Variants in CDH12 observed in about 807,000 individuals in gnomAD.
CDH12 encodes the protein cadherin-12.
A neutral mutation model predicts 74.1 loss-of-function variants in CDH12; 41 were observed. That is an observed-to-expected ratio of 0.55 (90% confidence interval 0.43 to 0.72). The LOEUF (loss-of-function observed/expected upper bound fraction) is 0.72, where lower values mean the gene tolerates loss of function less well. Among genes scored for constraint, CDH12 ranks in the 30% least tolerant of loss-of-function variants. The pLI is 0.00. For missense variants in CDH12, 945 were observed against 977.2 expected (o/e 0.97, Z 0.44); for synonymous variants, 399 against 355.0 (o/e 1.12, Z -1.39).
intron 1 of CDH12, among the ~76,000 whole-genome samples, chr5:22,848,258 T>C (rs577614366): frequency 1.3e-5 from 2 of 152,196 alleles, no homozygotes; most frequent in African/African-American, 4.8e-5. Context: ...GGAATATCCA[T>C]GTCTGTCCAT....
At chr5:22,455,624 G>A (rs1745232788) in intron 2 of CDH12, among the ~76,000 whole-genome samples, 1 of 152,146 alleles carries the variant, frequency 6.6e-6, no homozygotes, top group South Asian at 2.1e-4. Flanking sequence ...GGATTTCACA[G>A]CAGAAGTTTG....
intron 4 of CDH12, among the ~76,000 whole-genome samples, chr5:22,202,560 G>T (rs1037239814): frequency 6.6e-6 from 1 of 152,076 alleles, no homozygotes; most frequent in Non-Finnish European, 1.5e-5. Context: ...AATTTAAATA[G>T]CTCAGTTTGA....
chr5:22,635,839 G>A (rs1042034749), intron 1 of CDH12, among the ~76,000 whole-genome samples: 13 of 152,134 alleles, frequency 8.5e-5, no homozygotes, highest in Admixed American at 7.2e-4. Context: ...GCTTGAACCC[G>A]GAAGGCTGAA....
intron 4 of CDH12, among the ~76,000 whole-genome samples, chr5:22,190,828 C>T (rs561267195): frequency 8.2e-4 from 125 of 152,292 alleles, no homozygotes; most frequent in African/African-American, 2.9e-3. Context: ...CTCCGTAAAT[C>T]AGGGTCTCAG....
chr5:21,840,055 A>G (rs1749753966), intron 8 of CDH12, among the ~76,000 whole-genome samples: 1 of 152,226 alleles, frequency 6.6e-6, no homozygotes, highest in Non-Finnish European at 1.5e-5. Context: ...AACTAAAATG[A>G]AATAACTAGT....
At chr5:22,637,614 A>T (rs1229188784) in intron 1 of CDH12, among the ~76,000 whole-genome samples, 4 of 152,220 alleles carry the variant, frequency 2.6e-5, no homozygotes, top group Non-Finnish European at 5.9e-5. Flanking sequence ...CTCTCTTAGG[A>T]TCATCAGATG....
chr5:22,752,727 A>G (rs1398633027), intron 1 of CDH12, among the ~76,000 whole-genome samples: 19 of 139,550 alleles, frequency 1.4e-4, no homozygotes, highest in African/African-American at 3.0e-4. Context: ...GCCCGCCACT[A>G]CGCCCGGCTA....
chr5:21,922,852 A>G (rs1422708572), intron 6 of CDH12, among the ~76,000 whole-genome samples: 3 of 152,174 alleles, frequency 2.0e-5, no homozygotes, highest in African/African-American at 7.2e-5. Context: ...TTATCTCTCC[A>G]ATATCTTGTC....
At chr5:22,398,472 C>T (rs1742562541) in intron 3 of CDH12, among the ~76,000 whole-genome samples, 1 of 152,058 alleles carries the variant, frequency 6.6e-6, no homozygotes, top group African/African-American at 2.4e-5. Flanking sequence ...GATCTCCAGT[C>T]TTTAAGACGG....
At chr5:22,608,839 T>C (rs1308348001) in intron 1 of CDH12, among the ~76,000 whole-genome samples, 1 of 152,184 alleles carries the variant, frequency 6.6e-6, no homozygotes, top group Non-Finnish European at 1.5e-5. Flanking sequence ...TCCACCATGA[T>C]TCTAAGTTTC....
intron 11 of CDH12, among the ~76,000 whole-genome samples, chr5:21,770,932 C>T (rs1561170060): frequency 1.3e-5 from 2 of 152,096 alleles, no homozygotes; most frequent in African/African-American, 2.4e-5. Context: ...GAGCTGGAGG[C>T]CATTATCCTA....
At chr5:22,332,849 C>G (rs371369185) in intron 3 of CDH12, among the ~76,000 whole-genome samples, 82 of 152,168 alleles carry the variant, frequency 5.4e-4, no homozygotes, top group African/African-American at 1.9e-3. Flanking sequence ...GAAATAGGAA[C>G]GCTTTTACAC....
At chr5:22,726,752 G>T (rs866436082) in intron 1 of CDH12, among the ~76,000 whole-genome samples, 4 of 151,734 alleles carry the variant, frequency 2.6e-5, no homozygotes, top group Non-Finnish European at 5.9e-5. Flanking sequence ...ACCTGTTCTT[G>T]AAAAGCCTGA....
At chr5:22,533,322 G>T (rs943667232) in intron 1 of CDH12, among the ~76,000 whole-genome samples, 32 of 152,134 alleles carry the variant, frequency 2.1e-4, no homozygotes, top group Non-Finnish European at 4.4e-4. Flanking sequence ...AAGAAATCCT[G>T]ATCTATGTCT....
intron 1 of CDH12, among the ~76,000 whole-genome samples, chr5:22,629,948 T>C (rs1042356422): frequency 6.6e-6 from 1 of 152,062 alleles, no homozygotes; most frequent in Non-Finnish European, 1.5e-5. Flanking sequence ...AATTAGTAGG[T>C]TTCTGTACAC....
chr5:22,490,603 A>C (rs1190430822), intron 2 of CDH12, among the ~76,000 whole-genome samples: 2 of 152,166 alleles, frequency 1.3e-5, no homozygotes, highest in Non-Finnish European at 2.9e-5. Flanking sequence ...AAATTTCTCA[A>C]CTTTAGAATT....
rs1412525587 is a variant in CDH12 at position 22,450,568 on chromosome 5, G to A, written c.-427-45217C>T. ...TGTATCAATGTTTCCCTCTTTCTTA[G>A]TACTGCTATAATCTTGCACTTGGAC... On this transcript the variant is annotated intron_variant, in intron 2 of 14. Coordinates refer to ENST00000382254, the MANE Select transcript of CDH12 (RefSeq NM_004061.5). Among the ~76,000 whole-genome samples the A allele has an allele frequency of 4.6e-5, 7 of 151,572 alleles. No homozygotes were observed. The East Asian group carries it at 1.4e-3, about 29-fold the overall frequency.
chr5:22,726,047 AC>A lies in CDH12; in HGVS notation c.-523+127010del, dbSNP rs1230888826. Among the ~76,000 whole-genome samples the A allele has an allele frequency of 3.3e-5, 5 of 151,832 alleles. No homozygotes were observed. In the East Asian group the frequency reaches 9.7e-4, roughly 29 times the overall value. On this transcript the variant is annotated intron_variant, in intron 1 of 14. Coordinates refer to ENST00000382254, the MANE Select transcript of CDH12 (RefSeq NM_004061.5). ...CGTTGCAACTGATGAACCTACATTG[AC>A]ACATCATTATCAATCTGTAGTTTAT...
chr5:22,499,561 G>A (rs1053033450), intron 2 of CDH12, among the ~76,000 whole-genome samples: 3 of 152,168 alleles, frequency 2.0e-5, no homozygotes, highest in African/African-American at 7.2e-5. Flanking sequence ...ATATGAGCTT[G>A]TGTCAAAGAA....
Sources: allele counts gnomAD v4.1 joint callset (sites outside exome capture counted in the v4.1 genomes callset), GRCh38; gene constraint gnomAD v4.1.1; transcripts MANE v1.5; gene names NCBI Gene and HGNC (gene_info 2026-07-23, HGNC 2026-07-21).